The following WDFY3 variants were observed in gnomAD, a reference collection of about 807,000 sequenced individuals.
The protein encoded by WDFY3 is WD repeat and FYVE domain-containing protein 3.
In WDFY3, 66 loss-of-function variants were observed where a neutral mutation model predicts 409.6. That is an observed-to-expected ratio of 0.16 (90% CI 0.13 to 0.20). The LOEUF (loss-of-function observed/expected upper bound fraction) is 0.20. Ranked by LOEUF, WDFY3 falls within the 10% of genes least tolerant of loss-of-function variation. WDFY3 has a pLI of 1.00. For synonymous variants in WDFY3, 1,521 were observed against 1,537.1 expected (o/e 0.99, Z 0.25); for missense variants, 3,031 against 4,298.1 (o/e 0.71, Z 8.24).
At position 84,821,192 on chromosome 4, in the gene WDFY3, T is replaced by C. The variant is rs780053568; in HGVS notation, c.1483A>G (p.Ile495Val). ...TLLKFTRHDY[I>V]FKDVFREVGL... is the part of the protein sequence containing the mutation. ...ACCTCCCTGAACACGTCTTTAAATATGTAGTCATGTCTTGTAAACTTAAGA... is the reference window on the plus strand; with the variant it reads ...ACCTCCCTGAACACGTCTTTAAATACGTAGTCATGTCTTGTAAACTTAAGA... The change falls in exon 11 of 68, where the codon ATA becomes GTA. Residue 495 changes from isoleucine to valine, a missense_variant. Around this residue, in one of 16 missense-constraint regions of WDFY3, gnomAD observed 1,322 missense variants for 1,697.9 expected, o/e 0.78. Transcript: ENST00000295888. 53 of 1,613,796 alleles carry C rather than the reference T, an allele frequency of 3.3e-5. No homozygotes were observed. The East Asian group carries it at 1.1e-3, about 35-fold the overall frequency.
At chr4:84,885,464 T>C (rs1018282286) in intron 3 of WDFY3, among the ~76,000 whole-genome samples, 1 of 151,928 alleles carries the variant, frequency 6.6e-6, no homozygotes, top group Non-Finnish European at 1.5e-5. Context: ...AAATTAAATA[T>C]TTTGGCTTAG....
At chr4:84,693,953 T>C (rs1729687355) in intron 58 of WDFY3, among the ~76,000 whole-genome samples, 1 of 152,106 alleles carries the variant, frequency 6.6e-6, no homozygotes, top group Non-Finnish European at 1.5e-5. Flanking sequence ...TTGTAAATCT[T>C]TGAGACAGGC....
chr4:84,817,357 T>A (rs376047593), intron 13 of WDFY3, 35 bp downstream of exon 13: 1 of 1,607,570 alleles, frequency 6.2e-7, no homozygotes, highest in Non-Finnish European at 8.5e-7. Context: ...CAGATTTTAG[T>A]AGTAAAAGAA....
chr4:84,710,550 G>A (rs993240910), intron 51 of WDFY3, among the ~76,000 whole-genome samples: 24 of 152,136 alleles, frequency 1.6e-4, no homozygotes, highest in African/African-American at 5.6e-4. Flanking sequence ...CATCCAGCTC[G>A]ATGGTACTAT....
chr4:84,679,083 GAGCCACTGTCAGTACACC>G lies in WDFY3; in HGVS notation c.9965_9982del (p.Trp3322_Gly3327del), dbSNP rs767690004. ...GTCGGACCAGCGTCTGGAGTCGTCA[GAGCCACTGTCAGTACACC>G]AGGCGGCTGTTGCGCGGCAGGAGGC... On this transcript the variant is annotated inframe_deletion, in exon 65 of 68. Transcript: ENST00000295888. 16 of 1,614,130 alleles carry G rather than the reference GAGCCACTGTCAGTACACC, an allele frequency of 9.9e-6. No homozygotes were observed. Among genetic ancestry groups the G allele is most frequent in the Non-Finnish European group, 4.2e-6 (5 of 1,180,060 alleles).
intron 12 of WDFY3, among the ~76,000 whole-genome samples, chr4:84,818,979 G>C (rs181546902): frequency 1.9e-4 from 29 of 152,124 alleles, no homozygotes; most frequent in African/African-American, 7.0e-4. Context: ...TTATGTTTCT[G>C]ATTATCTCAG....
At chr4:84,795,718 C>A (rs568302967) in intron 19 of WDFY3, among the ~76,000 whole-genome samples, 1 of 151,774 alleles carries the variant, frequency 6.6e-6, no homozygotes, top group Non-Finnish European at 1.5e-5. Context: ...GCCAAGATCG[C>A]GCCATTGCAC....
At chr4:84,695,064 C>T (rs1246167606) in intron 58 of WDFY3, among the ~76,000 whole-genome samples, 1 of 152,016 alleles carries the variant, frequency 6.6e-6, no homozygotes, top group Non-Finnish European at 1.5e-5. Flanking sequence ...AGGTGGGTGG[C>T]CTCACCAGCT....
At chr4:84,874,817 A>G (rs571901380) in intron 3 of WDFY3, among the ~76,000 whole-genome samples, 1 of 152,108 alleles carries the variant, frequency 6.6e-6, no homozygotes, top group South Asian at 2.1e-4. Context: ...GTGCACTGTT[A>G]GGCAATTTTG....
chr4:84,827,750 A>C (rs969878436), intron 9 of WDFY3, among the ~76,000 whole-genome samples: 5 of 152,160 alleles, frequency 3.3e-5, no homozygotes, highest in Admixed American at 2.6e-4. Flanking sequence ...AAACTTGCAT[A>C]TATATGCAAA....
intron 16 of WDFY3, among the ~76,000 whole-genome samples, chr4:84,802,426 A>AT (rs997151873): frequency 1.3e-5 from 2 of 151,398 alleles, no homozygotes; most frequent in African/African-American, 2.4e-5. Flanking sequence ...TGCCAGGCTA[A>AT]TTTTTTGCAT....
chr4:84,955,142 G>A (rs1305248794), intron 1 of WDFY3, among the ~76,000 whole-genome samples: 9 of 151,798 alleles, frequency 5.9e-5, no homozygotes, highest in African/African-American at 2.2e-4. Context: ...GGCAGAGGTT[G>A]CAGTGAGCTG....
At chr4:84,673,274 G>A (rs147508128) in intron 67 of WDFY3, among the ~76,000 whole-genome samples, 228 of 152,252 alleles carry the variant, frequency 1.5e-3, no homozygotes, top group African/African-American at 5.0e-3. Context: ...TGAGGCCAAG[G>A]TGTCTGAACA....
intron 4 of WDFY3, among the ~76,000 whole-genome samples, chr4:84,850,417 A>C (rs1233717593): frequency 6.6e-6 from 1 of 152,070 alleles, no homozygotes; most frequent in Non-Finnish European, 1.5e-5. Context: ...CTTAGGTTCA[A>C]GCTATTCTCC....
intron 1 of WDFY3, chr4:84,965,897 T>C (rs1775624187): frequency 1.3e-5 from 2 of 152,346 alleles, no homozygotes; most frequent in South Asian, 4.1e-4. Context: ...CCCCGAAATA[T>C]CCCGGTTCCG....
rs531399750 is a variant in WDFY3, at chr4:84,699,497, T to C, written c.8597-2674A>G. Among the ~76,000 whole-genome samples, 4 of 152,306 alleles carry C rather than the reference T, an allele frequency of 2.6e-5. No individual in the cohort carries two copies. In the East Asian group the frequency reaches 7.7e-4, roughly 29 times the overall value. ...CTGGGCTGTTTCTGCCATTCGGTTA[T>C]TGTGAATAATGCTACTATGAACATG... On this transcript the variant is annotated intron_variant, in intron 56 of 67. Transcript: ENST00000295888.
intron 32 of WDFY3, among the ~76,000 whole-genome samples, chr4:84,758,626 A>G (rs572239956): frequency 6.6e-6 from 1 of 152,306 alleles, no homozygotes; most frequent in East Asian, 1.9e-4. Context: ...TTTATATAAT[A>G]AAGGAAAAAT....
intron 1 of WDFY3, among the ~76,000 whole-genome samples, chr4:84,964,166 A>G (rs1022380287): frequency 1.3e-5 from 2 of 152,184 alleles, no homozygotes; most frequent in Non-Finnish European, 2.9e-5. Flanking sequence ...TCAGAAGTAT[A>G]TGCATGAAAT....
intron 32 of WDFY3, among the ~76,000 whole-genome samples, chr4:84,765,303 TA>T (rs1743438101): frequency 6.6e-6 from 1 of 152,202 alleles, no homozygotes; most frequent in Non-Finnish European, 1.5e-5. Context: ...CTAGTGAGCT[TA>T]AATCCTTGTG....
Sources: allele counts gnomAD v4.1 joint callset (sites outside exome capture counted in the v4.1 genomes callset), GRCh38; gene constraint gnomAD v4.1.1; regional missense constraint gnomAD v4.1.1; transcripts MANE v1.5; gene names NCBI Gene and HGNC (gene_info 2026-07-23, HGNC 2026-07-21).